Variants in EXOG observed in about 807,000 individuals in gnomAD.
EXOG encodes the protein exo/endonuclease G.
A neutral mutation model predicts 25.8 loss-of-function variants in EXOG; 27 were observed. The ratio of observed to expected loss-of-function variants is 1.05; its 90% CI spans 0.77 to 1.45. The LOEUF (loss-of-function observed/expected upper bound fraction) is 1.45, where lower values mean the gene tolerates loss of function less well. Ranked by LOEUF, EXOG falls within the 40% of genes most tolerant of loss-of-function variation. The pLI is 0.00. For synonymous variants in EXOG, 133 were observed against 167.0 expected (o/e 0.80, Z 1.57); for missense variants, 458 against 450.5 (o/e 1.02, Z -0.15).
chr3:38,499,648 T>G (rs192291533), intron 2 of EXOG: 1 of 453,848 alleles, frequency 2.2e-6, no homozygotes, highest in East Asian at 6.9e-5. Flanking sequence ...TTTTACCTTT[T>G]TTTTTGAGAT....
At chr3:38,522,816 G>A (rs958996938) in intron 5 of EXOG, among the ~76,000 whole-genome samples, 1 of 152,106 alleles carries the variant, frequency 6.6e-6, no homozygotes, top group African/African-American at 2.4e-5. Context: ...GATGCCAATT[G>A]GAAGGAAATT....
chr3:38,497,512 T>G, intron 1 of EXOG, 117 bp from the exon 2 acceptor site: 3 of 1,400,650 alleles, frequency 2.1e-6, no homozygotes, highest in Non-Finnish European at 2.8e-6. Context: ...GAGCCAGTCC[T>G]TTGTAAATCA....
intron 1 of EXOG, chr3:38,497,361 G>A (rs2059922362): frequency 8.4e-7 from 1 of 1,197,490 alleles, no homozygotes; most frequent in African/African-American, 1.6e-5. Context: ...AGACTAATAA[G>A]ATCAAGTCTT....
intron 5 of EXOG, among the ~76,000 whole-genome samples, chr3:38,521,318 G>C (rs1017961335): frequency 6.6e-6 from 1 of 152,308 alleles, no homozygotes; most frequent in Non-Finnish European, 1.5e-5. Context: ...CTCAAAAGTA[G>C]AATCGAGGTC....
Position 38,497,666 on chromosome 3 carries a change from C to T in EXOG, c.201C>T (p.Phe67=). ...AGGCTGTCTTGGAACAATTTGGATT[C>T]CCTTTAACTGGAACAGAGGCAAGGT... ...AEKAVLEQFG[F]PLTGTEARCY... The change falls in exon 2 of 6, where the codon TTC becomes TTT. Residue 67 remains phenylalanine (F), a synonymous_variant. Coordinates refer to ENST00000287675, the MANE Select transcript of EXOG (RefSeq NM_005107.4). 1.3e-6 allele frequency: 2 copies of T among 1,580,006 alleles called. No individual in the cohort carries two copies. Among genetic ancestry groups the T allele is most frequent in the Non-Finnish European group, 1.7e-6 (2 of 1,164,760 alleles).
chr3:38,521,059 A>G (rs1243429978), intron 5 of EXOG, among the ~76,000 whole-genome samples: 2 of 152,240 alleles, frequency 1.3e-5, no homozygotes, highest in Non-Finnish European at 2.9e-5. Context: ...TCTTAAATTC[A>G]AGGAAGAAAC....
chr3:38,499,665 T>C, intron 2 of EXOG: 1 of 454,224 alleles, frequency 2.2e-6, no homozygotes, highest in Non-Finnish European at 4.4e-6. Context: ...AGATGGATTT[T>C]TGCTATGTTG....
rs6796845 is a variant in EXOG, at chr3:38,526,280, C to A, written c.*1918C>A. 0.47 allele frequency: 455,196 copies of A among 975,934 alleles called. 112,337 individuals carry two copies. The highest frequency in any genetic ancestry group is 0.85 in the African/African-American group (48,758 of 57,152). 60.5% of individuals were successfully genotyped at this position (975,934 alleles called of 1,614,324 possible). On this transcript the variant is annotated 3_prime_UTR_variant, in exon 6 of 6. Transcript: ENST00000287675. ...GTTCTAAGAGAAATGCCAAGGCTTT[C>A]AGATAAAGATAAGATGATAATGATT... is the stretch of plus-strand genomic sequence containing the variant.
At chr3:38,515,840 A>C (rs2060525731) in intron 5 of EXOG, 1 of 153,086 alleles carries the variant, frequency 6.5e-6, no homozygotes, top group East Asian at 1.9e-4. Flanking sequence ...TGGGCTGTAG[A>C]AAAAGAGACC....
intron 5 of EXOG, among the ~76,000 whole-genome samples, chr3:38,510,962 G>A (rs2060350492): frequency 6.6e-6 from 1 of 151,978 alleles, no homozygotes; most frequent in Non-Finnish European, 1.5e-5. Context: ...GGCTTCTAAG[G>A]TCATATCATT....
intron 5 of EXOG, among the ~76,000 whole-genome samples, chr3:38,513,080 G>T (rs2060422331): frequency 6.6e-6 from 1 of 152,172 alleles, no homozygotes; most frequent in Non-Finnish European, 1.5e-5. Flanking sequence ...GGAATTAAAG[G>T]CGTGAGCCAC....
chr3:38,499,408 A>T (rs574088236), intron 2 of EXOG, among the ~76,000 whole-genome samples: 2 of 152,350 alleles, frequency 1.3e-5, no homozygotes, highest in South Asian at 4.1e-4. Flanking sequence ...CATATAAGAA[A>T]ACCTGGGCAT....
chr3:38,501,199 A>G, intron 2 of EXOG, 156 bp from the exon 3 acceptor site: 2 of 625,998 alleles, frequency 3.2e-6, no homozygotes, highest in Admixed American at 5.3e-5. Flanking sequence ...CAGATGAAGT[A>G]TCTGAACTAT....
chr3:38,509,315 C>T (rs764236264), intron 5 of EXOG, among the ~76,000 whole-genome samples: 9 of 152,048 alleles, frequency 5.9e-5, no homozygotes, highest in East Asian at 1.9e-4. Context: ...ATGTTTAAAA[C>T]GAAAAATTAA....
chr3:38,496,531 G>C lies in EXOG; in HGVS notation c.163+1G>C. 6.2e-7 allele frequency: 1 copy of C among 1,610,054 alleles called. No individual in the cohort carries two copies. Among genetic ancestry groups the C allele is most frequent in the South Asian group, 1.1e-5 (1 of 91,006 alleles). ...GCGTTGACAGGGAAGCAGCCGGATGGTAAGTCTGTGGGCCCGTCCTCCCTT... is the reference window on the plus strand; with the variant it reads ...GCGTTGACAGGGAAGCAGCCGGATGCTAAGTCTGTGGGCCCGTCCTCCCTT... On this transcript the variant is annotated splice_donor_variant, in intron 1 of 5. Transcript: ENST00000287675. LOFTEE classifies it high-confidence loss of function.
At position 38,496,410 on chromosome 3, in the gene EXOG, C is replaced by A. The variant is rs140624245; in HGVS notation, c.43C>A (p.Arg15Ser). The change falls in exon 1 of 6, where the codon CGT (arginine) becomes AGT (serine). Residue 15 changes from arginine (R) to serine (S), a missense_variant. Transcript: ENST00000287675. ...CGCTTCCCGCCTCCGGGGTTCCCGT[C>A]GTTTTCTGAGCGGCTTCGTGGCTGG... ...SIASRLRGSR[R>S]FLSGFVAGAV... 9.3e-6 allele frequency: 15 copies of A among 1,613,906 alleles called. No individual in the cohort carries two copies. Among genetic ancestry groups the A allele is most frequent in the Non-Finnish European group, 1.2e-5 (14 of 1,179,966 alleles).
intron 5 of EXOG, among the ~76,000 whole-genome samples, chr3:38,518,967 A>T (rs1026593172): frequency 1.4e-4 from 22 of 152,228 alleles, no homozygotes; most frequent in African/African-American, 5.3e-4. Context: ...TTTATAGTAA[A>T]TGAATTGCTG....
intron 2 of EXOG, chr3:38,500,298 A>G (rs1221023538): frequency 6.6e-6 from 1 of 152,234 alleles, no homozygotes; most frequent in Non-Finnish European, 1.5e-5. Context: ...ACCTTACAGC[A>G]GTAAATTTAT....
chr3:38,513,108 T>C (rs184277033), intron 5 of EXOG, among the ~76,000 whole-genome samples: 364 of 152,340 alleles, frequency 2.4e-3, no homozygotes, highest in Non-Finnish European at 4.0e-3. Flanking sequence ...GACTGTATGT[T>C]ATTTTTTAAT....
Sources: allele counts gnomAD v4.1 joint callset (sites outside exome capture counted in the v4.1 genomes callset), GRCh38; gene constraint gnomAD v4.1.1; transcripts MANE v1.5; gene names NCBI Gene and HGNC (gene_info 2026-07-23, HGNC 2026-07-21).